Variants in CEP85L observed in about 807,000 individuals in gnomAD.
The protein encoded by CEP85L is centrosomal protein 85L.
Under a neutral mutation model 100.3 loss-of-function variants are expected in CEP85L, and 60 were observed. That is an observed-to-expected ratio of 0.60 (90% CI 0.49 to 0.74). The LOEUF is 0.74. Ranked by LOEUF, CEP85L falls within the 30% of genes least tolerant of loss-of-function variation. The probability of loss-of-function intolerance (pLI) is 0.00; values close to 1 mark genes in which losing one functional copy is unlikely to be tolerated. For synonymous variants in CEP85L, 319 were observed against 322.7 expected (o/e 0.99, Z 0.12); for missense variants, 973 against 936.2 (o/e 1.04, Z -0.51).
At chr6:118,609,987 G>A (rs1417077763) in intron 2 of CEP85L, among the ~76,000 whole-genome samples, 1 of 151,834 alleles carries the variant, frequency 6.6e-6, no homozygotes, top group Non-Finnish European at 1.5e-5. Context: ...AAAAAATTGA[G>A]AAGAGAGACG....
intron 10 of CEP85L, among the ~76,000 whole-genome samples, chr6:118,476,664 G>A (rs1292531276): frequency 1.3e-5 from 2 of 152,174 alleles, no homozygotes; most frequent in Non-Finnish European, 2.9e-5. Flanking sequence ...AATTTTCTTA[G>A]GCTGTGGGAA....
At chr6:118,686,025 G>T (rs1314418724) in intron 1 of CEP85L, among the ~76,000 whole-genome samples, 2 of 152,128 alleles carry the variant, frequency 1.3e-5, no homozygotes, top group East Asian at 1.9e-4. Context: ...AAAGGAACTC[G>T]ATTCATTCCC....
chr6:118,471,767 G>GAAA (rs144782109), intron 10 of CEP85L, among the ~76,000 whole-genome samples: 3 of 136,560 alleles, frequency 2.2e-5, no homozygotes, highest in African/African-American at 2.7e-5. Context: ...CCACAAAAAT[G>GAAA]AAAAAAAAAA....
intron 1 of CEP85L, among the ~76,000 whole-genome samples, chr6:118,686,083 C>T (rs935260947): frequency 2.0e-5 from 3 of 152,154 alleles, no homozygotes; most frequent in Admixed American, 6.5e-5. Flanking sequence ...GCCTGGTGCT[C>T]TCTTGACCAA....
intron 2 of CEP85L, among the ~76,000 whole-genome samples, chr6:118,617,327 C>G (rs1447852637): frequency 6.6e-6 from 1 of 152,114 alleles, no homozygotes; most frequent in African/African-American, 2.4e-5. Flanking sequence ...TGTGCCCTCC[C>G]CCGAAACCAG....
chr6:118,708,293 G>C (rs1345082735), intron 1 of CEP85L, among the ~76,000 whole-genome samples: 4 of 152,180 alleles, frequency 2.6e-5, no homozygotes, highest in Non-Finnish European at 5.9e-5. Flanking sequence ...AGCAATCTGG[G>C]CCTGGGATGG....
rs545246070 is a variant in CEP85L at position 118,623,960 on chromosome 6, A to G, written c.232+8493T>C. 2.6e-5 allele frequency among the ~76,000 whole-genome samples: 4 copies of G among 152,206 alleles called. No homozygotes were observed. The South Asian group carries it at 8.3e-4, about 32-fold the overall frequency. On this transcript the variant is annotated intron_variant, in intron 2 of 12. Transcript: ENST00000368491. ...TCAGTAATCCTCTCTATCCCCACTG[A>G]GGTTAAGGTGGCAGGAGTGGAATCC...
chr6:118,676,678 T>A (rs560067325), intron 1 of CEP85L, among the ~76,000 whole-genome samples: 51 of 152,332 alleles, frequency 3.3e-4, no homozygotes, highest in African/African-American at 1.2e-3. Flanking sequence ...GACATATAGA[T>A]TTCAAGTCCT....
chr6:118,557,944 C>T (rs1245156242), intron 3 of CEP85L, among the ~76,000 whole-genome samples: 1 of 150,464 alleles, frequency 6.6e-6, no homozygotes, highest in African/African-American at 2.4e-5. Context: ...TCACCAAATA[C>T]TGGGTAATTA....
At chr6:118,590,930 G>A (rs574746688) in intron 2 of CEP85L, among the ~76,000 whole-genome samples, 12 of 152,018 alleles carry the variant, frequency 7.9e-5, no homozygotes, top group Non-Finnish European at 1.6e-4. Context: ...GTGTTCCTCC[G>A]GTCATCGGAG....
At chr6:118,496,468 T>C (rs532871544) in intron 5 of CEP85L, among the ~76,000 whole-genome samples, 1 of 152,028 alleles carries the variant, frequency 6.6e-6, no homozygotes, top group Admixed American at 6.5e-5. Context: ...AATTCTCCTG[T>C]CTCAGCCTCC....
chr6:118,573,461 G>C (rs968706829), intron 2 of CEP85L, among the ~76,000 whole-genome samples: 2 of 152,012 alleles, frequency 1.3e-5, no homozygotes, highest in Non-Finnish European at 2.9e-5. Flanking sequence ...ATTCTGAGTT[G>C]AAAAAAGGAA....
In CEP85L at chr6:118,651,425, G is replaced by A. The variant is rs1562340504; in HGVS notation, c.-156C>T. ...GGTTAACGGCTGCTCAGCTACGGGC[G>A]GGGAGCGCAGGGGCCAGATTCGCCG... On this transcript the variant is annotated 5_prime_UTR_variant, in exon 1 of 13. Transcript: ENST00000368491. The A allele has an allele frequency of 1.5e-6, 2 of 1,338,938 alleles. No individual in the cohort carries two copies. Among genetic ancestry groups the A allele is most frequent in the African/African-American group, 1.5e-5 (1 of 64,888 alleles). 82.9% of individuals were successfully genotyped at this position (1,338,938 alleles called of 1,614,324 possible).
intron 4 of CEP85L, among the ~76,000 whole-genome samples, chr6:118,523,555 T>C (rs1776785633): frequency 6.6e-6 from 1 of 152,186 alleles, no homozygotes; most frequent in African/African-American, 2.4e-5. Context: ...AAAGACAGAA[T>C]GGAGCTTCCA....
chr6:118,590,738 C>T (rs902425540), intron 2 of CEP85L, among the ~76,000 whole-genome samples: 1 of 152,120 alleles, frequency 6.6e-6, no homozygotes, highest in Non-Finnish European at 1.5e-5. Flanking sequence ...CATGCACCTA[C>T]CCCAGAAAAC....
At chr6:118,647,247 C>T (rs984442825) in intron 1 of CEP85L, 2 of 176,280 alleles carry the variant, frequency 1.1e-5, no homozygotes, top group African/African-American at 4.8e-5. Context: ...AAGCTCAAAG[C>T]AATGAACAAA....
intron 5 of CEP85L, chr6:118,502,582 C>G (rs765156670): frequency 2.1e-6 from 1 of 470,810 alleles, no homozygotes; most frequent in Non-Finnish European, 4.0e-6. Flanking sequence ...TTTGGCGCTC[C>G]GGTTGAAGTT....
chr6:118,487,436 T>A (rs1269243330), intron 6 of CEP85L, among the ~76,000 whole-genome samples: 1 of 152,182 alleles, frequency 6.6e-6, no homozygotes, highest in Non-Finnish European at 1.5e-5. Context: ...AACCAACATG[T>A]GGGTTCAATT....
chr6:118,528,886 T>C (rs958789693), intron 3 of CEP85L, among the ~76,000 whole-genome samples: 14 of 152,172 alleles, frequency 9.2e-5, no homozygotes, highest in African/African-American at 2.9e-4. Context: ...GATTTTGCAT[T>C]CTCTATAAAC....
Sources: allele counts gnomAD v4.1 joint callset (sites outside exome capture counted in the v4.1 genomes callset), GRCh38; gene constraint gnomAD v4.1.1; transcripts MANE v1.5; gene names NCBI Gene and HGNC (gene_info 2026-07-23, HGNC 2026-07-21).